AMOTL1: variants seen among roughly 807,000 people sequenced by gnomAD.
AMOTL1 encodes the protein angiomotin like 1.
In AMOTL1, 45 loss-of-function variants were observed where a neutral mutation model predicts 102.9. That is an observed-to-expected ratio of 0.44 (90% confidence interval 0.34 to 0.56). The LOEUF (loss-of-function observed/expected upper bound fraction) is 0.56, where lower values mean the gene tolerates loss of function less well. Among genes scored for constraint, AMOTL1 ranks in the 20% least tolerant of loss-of-function variants. The pLI is 0.01. For synonymous variants in AMOTL1, 481 were observed against 484.7 expected (o/e 0.99, Z 0.10); for missense variants, 1,114 against 1,225.6 (o/e 0.91, Z 1.36).
chr11:94,743,822 C>A (rs1950559257), intron 3 of AMOTL1, among the ~76,000 whole-genome samples: 1 of 152,052 alleles, frequency 6.6e-6, no homozygotes, highest in Non-Finnish European at 1.5e-5. Context: ...CCATGCCCAG[C>A]TAATTTTTGG....
In AMOTL1 at chr11:94,831,522, G is replaced by A. The variant is rs1952071780; in HGVS notation, c.1629G>A (p.Glu543=). 6.2e-7 allele frequency: 1 copy of A among 1,613,846 alleles called. No homozygotes were observed. Among genetic ancestry groups the A allele is most frequent in the East Asian group, 2.2e-5 (1 of 44,888 alleles). ...AAGGGCATGAAGACAAAGCTGCAGA[G>A]GGGCATTATGCTTCCCAGAGTGAGT... The part of the protein sequence containing the change: ...EYEGHEDKAA[E]GHYASQNKEF... Residue 543 remains glutamate, a synonymous_variant, in exon 6 of 13, where the codon GAG becomes GAA. Transcript: ENST00000433060.
At chr11:94,810,597 G>A (rs571871044) in intron 3 of AMOTL1, among the ~76,000 whole-genome samples, 307 of 152,072 alleles carry the variant, frequency 2.0e-3, no homozygotes, top group Non-Finnish European at 3.3e-3. Context: ...CACTCTTGGG[G>A]TTCCATAAGG....
At chr11:94,840,659 T>TAG (rs1952278628) in intron 6 of AMOTL1, among the ~76,000 whole-genome samples, 1 of 113,566 alleles carries the variant, frequency 8.8e-6, no homozygotes, top group East Asian at 2.8e-4. Flanking sequence ...AAAACGTATA[T>TAG]ATATATATAT....
intron 1 of AMOTL1, among the ~76,000 whole-genome samples, chr11:94,776,247 G>A (rs1265817380): frequency 6.6e-6 from 1 of 152,150 alleles, no homozygotes; most frequent in Non-Finnish European, 1.5e-5. Context: ...AAAGTGTTCT[G>A]TAAACTGTAA....
intron 1 of AMOTL1, among the ~76,000 whole-genome samples, chr11:94,716,093 C>T (rs901810712): frequency 6.6e-6 from 1 of 151,892 alleles, no homozygotes; most frequent in Non-Finnish European, 1.5e-5. Flanking sequence ...TTGATTTGTC[C>T]TTAAGTTCAC....
At chr11:94,793,974 TGAG>T (rs1951324936) in intron 1 of AMOTL1, among the ~76,000 whole-genome samples, 1 of 152,188 alleles carries the variant, frequency 6.6e-6, no homozygotes, top group Non-Finnish European at 1.5e-5. Context: ...AGGAAGGAGA[TGAG>T]GACATTCCCA....
intron 6 of AMOTL1, among the ~76,000 whole-genome samples, chr11:94,836,152 G>A (rs1298477504): frequency 6.6e-6 from 1 of 152,136 alleles, no homozygotes; most frequent in Non-Finnish European, 1.5e-5. Context: ...AAATTAAGAT[G>A]ACATAAACAT....
At chr11:94,843,765 T>C (rs537541855) in intron 6 of AMOTL1, among the ~76,000 whole-genome samples, 1 of 152,220 alleles carries the variant, frequency 6.6e-6, no homozygotes, top group Non-Finnish European at 1.5e-5. Flanking sequence ...AGCAGCATTG[T>C]GGAGAAGTTT....
intron 1 of AMOTL1, among the ~76,000 whole-genome samples, chr11:94,774,230 G>A (rs1045727092): frequency 5.9e-5 from 9 of 152,154 alleles, no homozygotes; most frequent in South Asian, 4.1e-4. Flanking sequence ...AGTTGGGAGC[G>A]CTGTGAATAC....
chr11:94,837,112 G>A (rs543851094), intron 6 of AMOTL1, among the ~76,000 whole-genome samples: 69 of 152,320 alleles, frequency 4.5e-4, no homozygotes, highest in Middle Eastern at 6.8e-3. Flanking sequence ...ACCCTTACAT[G>A]TAGTAGGACT....
Position 94,795,175 on chromosome 11 carries a change from C to T in AMOTL1, c.199+15C>T, listed in dbSNP as rs182781769. On this transcript the variant is annotated intron_variant, in intron 2 of 12. Transcript: ENST00000433060. Reference sequence around the variant, plus strand: ...GGAAAAAGTTGGTAAGTCCTTTTACCGGCACTTGTGTTGGAAAAGCAAAAT... The same window carrying T: ...GGAAAAAGTTGGTAAGTCCTTTTACTGGCACTTGTGTTGGAAAAGCAAAAT... The T allele has an allele frequency of 1.5e-3, 2,386 of 1,612,278 alleles. 2 individuals are homozygous for T. Among genetic ancestry groups the T allele is most frequent in the Non-Finnish European group, 1.8e-3 (2,169 of 1,179,410 alleles).
Position 94,799,875 on chromosome 11 carries a change from C to T in AMOTL1, c.685C>T (p.Arg229Ter), listed in dbSNP as rs1243607836. The T allele has an allele frequency of 1.3e-6, 2 of 1,593,870 alleles. No homozygotes were observed. Among genetic ancestry groups the T allele is most frequent in the African/African-American group, 1.3e-5 (1 of 74,586 alleles). ...YMAGGTSQKS[R>*]TEGRPTVNRA... ...GGCAGGGGGCACCAGTCAGAAGTCC[C>T]GAACTGAGGGGAGGCCCACTGTGAA... The change falls in exon 3 of 13, where the codon CGA becomes TGA. Residue 229 changes from arginine (R) to a stop codon, truncating the protein, a stop_gained. Transcript: ENST00000433060. LOFTEE classifies it high-confidence loss of function. This position sits in a 1 kb window ranked among gnomAD's most constrained non-coding sequence, Gnocchi z 4.5.
At chr11:94,823,377 C>A (rs1487110019) in intron 4 of AMOTL1, among the ~76,000 whole-genome samples, 3 of 152,160 alleles carry the variant, frequency 2.0e-5, no homozygotes, top group Non-Finnish European at 2.9e-5. Context: ...ACTCCCACCC[C>A]CTCTTGCACC....
intron 11 of AMOTL1, among the ~76,000 whole-genome samples, chr11:94,867,253 A>G (rs1952902833): frequency 1.3e-5 from 2 of 152,114 alleles, no homozygotes; most frequent in South Asian, 4.2e-4. Flanking sequence ...CCTGCCCCCA[A>G]AGGAAATGCA....
In AMOTL1 at chr11:94,868,877, T is replaced by A. The variant is rs185166419; in HGVS notation, c.2489-321T>A. On this transcript the variant is annotated intron_variant, in intron 11 of 12. Coordinates refer to ENST00000433060, the MANE Select transcript of AMOTL1 (RefSeq NM_130847.3). ...TTCGTCCATACCACCCTGTGAATAA[T>A]TTATTTGTATCCTACAGTTTATATA... Among the ~76,000 whole-genome samples the A allele has an allele frequency of 5.4e-3, 819 of 152,008 alleles. 1 individual carries two copies. Among genetic ancestry groups the A allele is most frequent in the Middle Eastern group, 0.01 (3 of 294 alleles).
In AMOTL1 at chr11:94,799,946, A is replaced by T. The variant is rs781674216; in HGVS notation, c.756A>T (p.Glu252Asp). 7 of 1,613,728 alleles carry T rather than the reference A, an allele frequency of 4.3e-6. No homozygotes were observed. Among genetic ancestry groups the T allele is most frequent in the Non-Finnish European group, 5.9e-6 (7 of 1,179,792 alleles). ...GQAHKDEALK[E>D]LKQGHVRSLS... ...CGCATAAGGACGAGGCGCTGAAGGA[A>T]CTGAAGCAGGGCCACGTCCGCTCGC... Residue 252 changes from glutamate to aspartate, a missense_variant, in exon 3 of 13, where the codon GAA becomes GAT. Transcript: ENST00000433060. The surrounding 1 kb of genome is among the most constrained non-coding windows in gnomAD (Gnocchi z 4.5).
At position 94,853,994 on chromosome 11, in the gene AMOTL1, T is replaced by A. The variant is rs1160639844; in HGVS notation, c.1856T>A (p.Leu619Gln). The change falls in exon 8 of 13, where the codon CTG becomes CAG. Residue 619 changes from leucine to glutamine, a missense_variant. Physicochemically the swap from Leu to Gln is moderately radical, Grantham distance 113. Coordinates refer to ENST00000433060, the MANE Select transcript of AMOTL1 (RefSeq NM_130847.3). ...AAGCTGCAGCAGGCCCTGACCCAGCTGCAGTCTGCATGTGAGAAGCGAGAA... is the reference window on the plus strand; with the variant it reads ...AAGCTGCAGCAGGCCCTGACCCAGCAGCAGTCTGCATGTGAGAAGCGAGAA... ...VEKLQQALTQ[L>Q]QSACEKREQM... 2 of 1,598,656 alleles carry A rather than the reference T, an allele frequency of 1.3e-6. No homozygotes were observed. The highest frequency in any genetic ancestry group is 1.7e-5 in the Admixed American group (1 of 57,592).
upstream of AMOTL1, among the ~76,000 whole-genome samples, chr11:94,767,758 C>A (rs1287846066): frequency 1.4e-5 from 2 of 141,998 alleles, no homozygotes; most frequent in Non-Finnish European, 3.2e-5. Flanking sequence ...TACCTCTACT[C>A]AGGCAGATAA....
chr11:94,853,988 C>G lies in AMOTL1; in HGVS notation c.1850C>G (p.Thr617Ser). The G allele has an allele frequency of 3.7e-6, 6 of 1,602,014 alleles. No homozygotes were observed. Among genetic ancestry groups the G allele is most frequent in the Non-Finnish European group, 5.1e-6 (6 of 1,173,832 alleles). The change falls in exon 8 of 13, where the codon ACC becomes AGC. Residue 617 changes from threonine (T) to serine (S), a missense_variant. By Grantham distance (58) the Thr-to-Ser change is moderately conservative. Coordinates refer to ENST00000433060, the MANE Select transcript of AMOTL1 (RefSeq NM_130847.3). ...GTTGAGAAGCTGCAGCAGGCCCTGA[C>G]CCAGCTGCAGTCTGCATGTGAGAAG... Reference protein sequence around the residue: ...EKVEKLQQALTQLQSACEKRE... With the variant: ...EKVEKLQQALSQLQSACEKRE...
Sources: allele counts gnomAD v4.1 joint callset (sites outside exome capture counted in the v4.1 genomes callset), GRCh38; gene constraint gnomAD v4.1.1; non-coding constraint Gnocchi (gnomAD v3.1); transcripts MANE v1.5; gene names NCBI Gene and HGNC (gene_info 2026-07-23, HGNC 2026-07-21).